SLC2A13: variants seen among roughly 807,000 people sequenced by gnomAD.
SLC2A13 encodes solute carrier family 2 member 13.
In SLC2A13, 32 loss-of-function variants were observed where a neutral mutation model predicts 64.4. The observed-to-expected ratio is 0.50, with a 90% CI of 0.37 to 0.67. SLC2A13 has a LOEUF of 0.67. SLC2A13 is among the 30% of genes least tolerant of loss of function. SLC2A13 has a pLI of 0.00. For synonymous variants in SLC2A13, 338 were observed against 327.1 expected, an observed-to-expected ratio of 1.03 and a Z score of -0.36; for missense variants, 743 against 829.2, an observed-to-expected ratio of 0.90 and a Z score of 1.28.
At chr12:39,772,409 A>AT (rs575199801) in intron 7 of SLC2A13, among the ~76,000 whole-genome samples, 37 of 150,220 alleles carry the variant, frequency 2.5e-4, no homozygotes, top group Middle Eastern at 6.9e-3. Flanking sequence ...TCACCGTGCT[A>AT]TTTTTTTTTT....
At chr12:39,861,345 C>A (rs115611987) in intron 6 of SLC2A13, among the ~76,000 whole-genome samples, 1 of 152,214 alleles carries the variant, frequency 6.6e-6, no homozygotes, top group African/African-American at 2.4e-5. Context: ...GGTAGGTGAT[C>A]CATAATATAT....
intron 1 of SLC2A13, among the ~76,000 whole-genome samples, chr12:40,053,793 C>T (rs979156732): frequency 2.0e-5 from 3 of 152,142 alleles, no homozygotes; most frequent in East Asian, 1.9e-4. Flanking sequence ...CTGCCCAATA[C>T]GCACATGTTA....
chr12:40,048,478 T>G (rs1489260958), intron 1 of SLC2A13, among the ~76,000 whole-genome samples: 1 of 152,112 alleles, frequency 6.6e-6, no homozygotes, highest in Admixed American at 6.6e-5. Context: ...AATTTCAGAG[T>G]GCATATAAGT....
intron 7 of SLC2A13, among the ~76,000 whole-genome samples, chr12:39,773,260 C>T (rs990350739): frequency 2.0e-5 from 3 of 152,116 alleles, no homozygotes; most frequent in African/African-American, 7.2e-5. Flanking sequence ...GACAAAGCAG[C>T]AGAATTGCAT....
In SLC2A13 at chr12:39,854,848, G is replaced by A. The variant is rs939541546; in HGVS notation, c.1319+9914C>T. ...TCTGTTTTCCGCTTTTGCACAGTTCGCTGTCATGCCTGGGTGGCTTCTCCA... is the reference window on the plus strand; with the variant it reads ...TCTGTTTTCCGCTTTTGCACAGTTCACTGTCATGCCTGGGTGGCTTCTCCA... On this transcript the variant is annotated intron_variant, in intron 6 of 9. Transcript: ENST00000280871. Among the ~76,000 whole-genome samples, 3 of 152,216 alleles carry A rather than the reference G, an allele frequency of 2.0e-5. No homozygotes were observed. The South Asian group carries it at 6.2e-4, about 32-fold the overall frequency.
intron 2 of SLC2A13, among the ~76,000 whole-genome samples, chr12:40,039,551 G>A (rs994802329): frequency 1.3e-5 from 2 of 152,044 alleles, no homozygotes; most frequent in Admixed American, 1.3e-4. Flanking sequence ...CTTCTTATGT[G>A]TTTCTTTTTG....
At chr12:39,855,435 C>T (rs773565688) in intron 6 of SLC2A13, among the ~76,000 whole-genome samples, 2 of 152,148 alleles carry the variant, frequency 1.3e-5, no homozygotes, top group Non-Finnish European at 2.9e-5. Flanking sequence ...ATGTAGGAAG[C>T]CTTCTGTCAT....
At chr12:39,812,448 C>CTT (rs963848164) in intron 7 of SLC2A13, among the ~76,000 whole-genome samples, 32 of 146,530 alleles carry the variant, frequency 2.2e-4, no homozygotes, top group African/African-American at 8.1e-4. Context: ...TCTTTCTTCT[C>CTT]TTTCTTTCTT....
chr12:40,103,575 A>AT (rs1481119821), intron 1 of SLC2A13, among the ~76,000 whole-genome samples: 2 of 152,212 alleles, frequency 1.3e-5, no homozygotes, highest in African/African-American at 4.8e-5. Flanking sequence ...AATACCCAAG[A>AT]TTTTAACCAA....
chr12:39,811,439 T>C (rs1942154719), intron 7 of SLC2A13, among the ~76,000 whole-genome samples: 1 of 152,114 alleles, frequency 6.6e-6, no homozygotes, highest in Non-Finnish European at 1.5e-5. Flanking sequence ...AATATACTTA[T>C]TTTAAAGTAT....
chr12:39,803,803 A>T (rs73092113), intron 7 of SLC2A13, among the ~76,000 whole-genome samples: 28,539 of 152,128 alleles, frequency 0.19, 2,867 homozygotes, highest in South Asian at 0.3. Flanking sequence ...GAGAGATAAT[A>T]TGGTAAGTAA....
At chr12:39,785,358 C>T (rs1314094897) in intron 7 of SLC2A13, among the ~76,000 whole-genome samples, 1 of 152,236 alleles carries the variant, frequency 6.6e-6, no homozygotes, top group Non-Finnish European at 1.5e-5. Context: ...TAAGCCTTGG[C>T]AGCTTCCATG....
At chr12:39,893,901 C>T (rs1247379287) in intron 4 of SLC2A13, among the ~76,000 whole-genome samples, 3 of 152,040 alleles carry the variant, frequency 2.0e-5, no homozygotes, top group Non-Finnish European at 4.4e-5. Context: ...AAAAGTAAAT[C>T]CATTATTTTT....
intron 3 of SLC2A13, among the ~76,000 whole-genome samples, chr12:39,980,289 C>T (rs986308040): frequency 1.8e-4 from 27 of 151,486 alleles, no homozygotes; most frequent in African/African-American, 5.8e-4. Context: ...CACCAGTTAA[C>T]ATCATAATGA....
intron 1 of SLC2A13, among the ~76,000 whole-genome samples, chr12:40,087,120 C>G (rs1406311435): frequency 6.6e-6 from 1 of 152,164 alleles, no homozygotes; most frequent in Non-Finnish European, 1.5e-5. Context: ...TCTTCCATAC[C>G]TCTCACTACC....
intron 7 of SLC2A13, among the ~76,000 whole-genome samples, chr12:39,790,480 T>G (rs1941357289): frequency 6.6e-6 from 1 of 151,058 alleles, no homozygotes; most frequent in Non-Finnish European, 1.5e-5. Flanking sequence ...TTTGGTTTTT[T>G]GTTCTTGTGA....
At chr12:39,761,855 A>T (rs890249484) in intron 9 of SLC2A13, among the ~76,000 whole-genome samples, 1 of 152,086 alleles carries the variant, frequency 6.6e-6, no homozygotes, top group African/African-American at 2.4e-5. Flanking sequence ...ACTTTTAAAT[A>T]TAATAGTATA....
At position 39,945,914 on chromosome 12, in the gene SLC2A13, G is replaced by A. The variant is rs555987067; in HGVS notation, c.1034+5343C>T. On this transcript the variant is annotated intron_variant, in intron 4 of 9. Transcript: ENST00000280871. ...GGTGAATTAGCGTGATTTTTTGTGGGGGGGTGTTGAAGAGCCTTGTTTTGT... is the reference window on the plus strand; with the variant it reads ...GGTGAATTAGCGTGATTTTTTGTGGAGGGGTGTTGAAGAGCCTTGTTTTGT... Among the ~76,000 whole-genome samples the A allele has an allele frequency of 1.1e-4, 17 of 151,990 alleles. No individual in the cohort carries two copies. The East Asian group carries it at 3.1e-3, about 28-fold the overall frequency.
intron 3 of SLC2A13, among the ~76,000 whole-genome samples, chr12:39,962,389 C>A (rs902975544): frequency 1.3e-5 from 2 of 152,212 alleles, no homozygotes; most frequent in Non-Finnish European, 2.9e-5. Flanking sequence ...CCATGCCCAG[C>A]CATGGGTTAC....
Sources: allele counts gnomAD v4.1 joint callset (sites outside exome capture counted in the v4.1 genomes callset), GRCh38; gene constraint gnomAD v4.1.1; transcripts MANE v1.5; gene names NCBI Gene and HGNC (gene_info 2026-07-23, HGNC 2026-07-21).